The following GPCPD1 variants were observed in gnomAD, a reference collection of about 807,000 sequenced individuals.
GPCPD1 encodes the protein glycerophosphocholine phosphodiesterase 1, also known as glycerophosphocholine phosphodiesterase GPCPD1.
GPCPD1 carries 29 observed loss-of-function variants against 89.2 expected under a neutral mutation model. The ratio of observed to expected loss-of-function variants is 0.33; its 90% confidence interval spans 0.24 to 0.44. GPCPD1 has a LOEUF of 0.44. Ranked by LOEUF, GPCPD1 falls within the 20% of genes least tolerant of loss-of-function variation. The pLI, the probability that GPCPD1 is intolerant of heterozygous loss-of-function variation, is 1.00. For synonymous variants in GPCPD1, 258 were observed against 266.3 expected (o/e 0.97, Z 0.30); for missense variants, 594 against 808.9 (o/e 0.73, Z 3.22).
intron 3 of GPCPD1, among the ~76,000 whole-genome samples, chr20:5,595,587 G>C (rs1022294655): frequency 6.6e-6 from 1 of 152,118 alleles, no homozygotes; most frequent in Non-Finnish European, 1.5e-5. Context: ...GTTGCAGTGA[G>C]CCCAGATCGC....
chr20:5,603,518 A>C (rs1027536456), intron 2 of GPCPD1, among the ~76,000 whole-genome samples: 7 of 152,068 alleles, frequency 4.6e-5, no homozygotes, highest in African/African-American at 7.2e-5. Context: ...GAAAGGAGGA[A>C]GGAATGGAGC....
intron 12 of GPCPD1, 77 bp downstream of exon 12, chr20:5,570,070 A>G: frequency 1.5e-6 from 1 of 662,440 alleles, no homozygotes; most frequent in Non-Finnish European, 2.7e-6. Flanking sequence ...TAAGTAATTA[A>G]AAATATAAAA....
At chr20:5,581,814 CTTTTTTTTTTTTTTTTTTTTT>C (rs11479995) in intron 6 of GPCPD1, among the ~76,000 whole-genome samples, 6 of 75,008 alleles carry the variant, frequency 8.0e-5, no homozygotes, top group Admixed American at 3.3e-4. Context: ...GGGACTTTAA[CTTTTTTTTTTTTTTTTTTTTT>C]TTTTTTTTTT....
chr20:5,585,436 T>TA (rs1338127028), intron 5 of GPCPD1: 5 of 152,110 alleles, frequency 3.3e-5, no homozygotes, highest in African/African-American at 1.2e-4. Flanking sequence ...AACTAAAAGA[T>TA]ACATTTCTCA....
At chr20:5,580,271 G>T (rs1194098835) in intron 6 of GPCPD1, 140 bp from the exon 7 acceptor site, 5 of 497,286 alleles carry the variant, frequency 1.0e-5, no homozygotes, top group African/African-American at 8.1e-5. Flanking sequence ...TTTTTAATGA[G>T]ATCTAATCCA....
In GPCPD1 at chr20:5,544,502, G is replaced by A. The variant is rs1240492550; in HGVS notation, c.*3159C>T. 6.6e-6 allele frequency: 1 copy of A among 152,240 alleles called. No individual in the cohort carries two copies. Among genetic ancestry groups the A allele is most frequent in the Non-Finnish European group, 1.5e-5 (1 of 68,050 alleles). 9.4% of individuals were successfully genotyped at this position (152,240 alleles called of 1,614,324 possible). On this transcript the variant is annotated 3_prime_UTR_variant, in exon 20 of 20. Coordinates refer to ENST00000379019, the MANE Select transcript of GPCPD1 (RefSeq NM_019593.5). ...AGGATAGAACACTATAGCAGTGCTA[G>A]AGATGCAAAGACGTCCCTGCCCTTA...
rs775166031 is a variant in GPCPD1 at position 5,567,482 on chromosome 20, C to T, written c.1227+1G>A. 6.4e-7 allele frequency: 1 copy of T among 1,562,136 alleles called. No individual in the cohort carries two copies. Among genetic ancestry groups the T allele is most frequent in the Non-Finnish European group, 8.6e-7 (1 of 1,162,474 alleles). ...TTTACATTTCATGTTATTATTACTA[C>T]CTTTAACAACTGGAGTTGGTCAAAT... On this transcript the variant is annotated splice_donor_variant, in intron 13 of 19. Transcript: ENST00000379019. LOFTEE classifies it high-confidence loss of function.
chr20:5,578,492 C>A lies in GPCPD1; in HGVS notation c.593G>T (p.Cys198Phe). ...ACCACACTCCGGCTGTGAATGCCTG[C>A]ACTTGAACTCATTGTCGCTTATTAA... Reference protein sequence around the residue: ...ISLISDNEFKCRHSQPECGYG... With the variant: ...ISLISDNEFKFRHSQPECGYG... The change falls in exon 8 of 20, where the codon TGC (cysteine) becomes TTC (phenylalanine). Residue 198 changes from cysteine (C) to phenylalanine (F), a missense_variant. Cys to Phe is a radical substitution (Grantham distance 205, BLOSUM62 -2). Transcript: ENST00000379019. The A allele has an allele frequency of 1.2e-6, 2 of 1,613,746 alleles. No individual in the cohort carries two copies. The highest frequency in any genetic ancestry group is 1.7e-6 in the Non-Finnish European group (2 of 1,179,566).
intron 1 of GPCPD1, among the ~76,000 whole-genome samples, chr20:5,608,065 G>A (rs1216864383): frequency 1.3e-5 from 2 of 152,020 alleles, no homozygotes; most frequent in African/African-American, 4.8e-5. Flanking sequence ...ATCAACTTAA[G>A]GGAAATCAGA....
At chr20:5,609,815 G>T (rs1347075442) in intron 1 of GPCPD1, among the ~76,000 whole-genome samples, 1 of 149,660 alleles carries the variant, frequency 6.7e-6, no homozygotes. Flanking sequence ...TTGTTTGCTT[G>T]GTGTTATTTG....
At chr20:5,569,665 T>G (rs1234822300) in intron 12 of GPCPD1, among the ~76,000 whole-genome samples, 1 of 152,154 alleles carries the variant, frequency 6.6e-6, no homozygotes, top group Admixed American at 6.6e-5. Flanking sequence ...ATTTCCCTTT[T>G]CAGCTAAAAA....
intron 1 of GPCPD1, among the ~76,000 whole-genome samples, chr20:5,607,843 G>C (rs2122833970): frequency 6.7e-6 from 1 of 149,708 alleles, no homozygotes; most frequent in African/African-American, 2.5e-5. Context: ...AAAAAAGCCT[G>C]ACATTTAAAT....
chr20:5,574,123 AC>A, intron 10 of GPCPD1, 154 bp from the exon 11 acceptor site: 1 of 605,664 alleles, frequency 1.7e-6, no homozygotes, highest in South Asian at 2.0e-5. Flanking sequence ...TATGGCTGTG[AC>A]TAGGAATTTA....
intron 1 of GPCPD1, among the ~76,000 whole-genome samples, chr20:5,604,820 A>G (rs969736107): frequency 1.6e-5 from 2 of 125,396 alleles, no homozygotes; most frequent in Admixed American, 7.9e-5. Flanking sequence ...AGGCATGGGG[A>G]GCATGCCTGT....
chr20:5,565,465 G>A (rs1301295639), intron 14 of GPCPD1, among the ~76,000 whole-genome samples: 1 of 152,006 alleles, frequency 6.6e-6, no homozygotes, highest in Non-Finnish European at 1.5e-5. Flanking sequence ...CTGGCCTCAA[G>A]CAATTCTCCC....
At chr20:5,554,995 GAA>G (rs531324304) in intron 19 of GPCPD1, among the ~76,000 whole-genome samples, 1 of 152,202 alleles carries the variant, frequency 6.6e-6, no homozygotes, top group South Asian at 2.1e-4. Flanking sequence ...GGTGGAAATA[GAA>G]AGAGACCTAG....
In GPCPD1 at chr20:5,584,316, T is replaced by C. The variant is rs199503624; in HGVS notation, c.314A>G (p.Glu105Gly). Residue 105 changes from glutamate to glycine, a missense_variant, in exon 6 of 20, where the codon GAA becomes GGA. Transcript: ENST00000379019. ...QPRSITPLESEIIIDDGQFGI... is the reference protein window; with the variant it reads ...QPRSITPLESGIIIDDGQFGI... ...AAATTGTCCATCGTCAATAATAATT[T>C]CGCTTTCTAGAATTTAAGGAAAATA... 1.4e-6 allele frequency: 2 copies of C among 1,402,400 alleles called. No homozygotes were observed. Among genetic ancestry groups the C allele is most frequent in the African/African-American group, 2.8e-5 (2 of 70,752 alleles). The allele number at this position is 1,402,400 out of a possible 1,614,324, so 86.9% of individuals were successfully genotyped here.
intron 19 of GPCPD1, chr20:5,549,453 C>G: frequency 8.3e-7 from 1 of 1,203,184 alleles, no homozygotes; most frequent in East Asian, 2.5e-5. Context: ...AAAAACAGCT[C>G]CACCACTAAA....
At chr20:5,578,235 GT>G in intron 8 of GPCPD1, 144 bp downstream of exon 8, 2 of 614,240 alleles carry the variant, frequency 3.3e-6, no homozygotes, top group Non-Finnish European at 5.8e-6. Context: ...ACAACTCTAA[GT>G]TTTTTAAGCT....
Sources: gnomAD v4.1 joint callset for allele counts (sites outside exome capture counted in the v4.1 genomes callset) on GRCh38, gnomAD v4.1.1 for gene constraint, MANE v1.5 for transcripts, NCBI Gene and HGNC (gene_info 2026-07-23, HGNC 2026-07-21) for gene names.